ARHGAP24: variants seen among roughly 807,000 people sequenced by gnomAD.
The protein encoded by ARHGAP24 is rho GTPase-activating protein 24.
A neutral mutation model predicts 76.4 loss-of-function variants in ARHGAP24; 50 were observed. The observed-to-expected ratio is 0.65, with a 90% CI of 0.52 to 0.83. The LOEUF (loss-of-function observed/expected upper bound fraction) is 0.83. Among genes scored for constraint, ARHGAP24 ranks in the 40% least tolerant of loss-of-function variants. ARHGAP24 has a pLI of 0.00. For missense variants in ARHGAP24, 930 were observed against 914.2 expected (o/e 1.02, Z -0.22); for synonymous variants, 345 against 323.3 (o/e 1.07, Z -0.72).
At chr4:85,677,054 A>T (rs1049205763) in intron 2 of ARHGAP24, among the ~76,000 whole-genome samples, 1 of 152,210 alleles carries the variant, frequency 6.6e-6, no homozygotes, top group Non-Finnish European at 1.5e-5. Flanking sequence ...ACTGGGGGAA[A>T]ACGATTTCGT....
intron 3 of ARHGAP24, among the ~76,000 whole-genome samples, chr4:85,758,404 G>A (rs960743257): frequency 1.3e-5 from 2 of 152,174 alleles, no homozygotes; most frequent in African/African-American, 4.8e-5. Context: ...TCTCTAGTAA[G>A]CAGGGGTGAC....
intron 2 of ARHGAP24, among the ~76,000 whole-genome samples, chr4:85,626,440 G>T (rs1355581643): frequency 6.6e-6 from 1 of 152,162 alleles, no homozygotes; most frequent in African/African-American, 2.4e-5. Flanking sequence ...CGAGAGATCT[G>T]CTGTTAGTCT....
intron 1 of ARHGAP24, among the ~76,000 whole-genome samples, chr4:85,564,298 A>G (rs1007359304): frequency 1.3e-5 from 2 of 152,088 alleles, no homozygotes; most frequent in Non-Finnish European, 2.9e-5. Context: ...AAGGACAAAA[A>G]AAACAAGCAC....
At chr4:85,716,246 A>G (rs1395904768) in intron 2 of ARHGAP24, among the ~76,000 whole-genome samples, 1 of 152,110 alleles carries the variant, frequency 6.6e-6, no homozygotes, top group Non-Finnish European at 1.5e-5. Context: ...GTGATCTGGT[A>G]TTAACTAGAT....
intron 3 of ARHGAP24, among the ~76,000 whole-genome samples, chr4:85,899,471 C>T (rs559608889): frequency 2.0e-5 from 3 of 152,146 alleles, no homozygotes; most frequent in South Asian, 2.1e-4. Flanking sequence ...ATTTTTATTA[C>T]GTAGAAACAG....
At chr4:85,490,439 A>G (rs1723307258) in intron 1 of ARHGAP24, among the ~76,000 whole-genome samples, 1 of 152,122 alleles carries the variant, frequency 6.6e-6, no homozygotes, top group South Asian at 2.1e-4. Flanking sequence ...AAGATATTAG[A>G]TGCTTTTTCT....
intron 9 of ARHGAP24, among the ~76,000 whole-genome samples, chr4:85,998,921 C>T (rs1740841298): frequency 6.6e-6 from 1 of 152,202 alleles, no homozygotes; most frequent in Non-Finnish European, 1.5e-5. Context: ...TAATATCCTT[C>T]GTGTGCTTCT....
intron 2 of ARHGAP24, among the ~76,000 whole-genome samples, chr4:85,618,162 C>T (rs1021648996): frequency 1.9e-4 from 29 of 152,192 alleles, no homozygotes; most frequent in African/African-American, 6.0e-4. Flanking sequence ...TCTCACCCAG[C>T]CCCTGGCAGT....
At chr4:85,943,290 G>A (rs2148825908) in intron 5 of ARHGAP24, among the ~76,000 whole-genome samples, 1 of 152,174 alleles carries the variant, frequency 6.6e-6, no homozygotes, top group South Asian at 2.1e-4. Flanking sequence ...ATCATAAATG[G>A]AGTGATTTAT....
Position 85,978,240 on chromosome 4 carries a change from T to C in ARHGAP24, c.928+549T>C, listed in dbSNP as rs181482989. Among the ~76,000 whole-genome samples, 23 of 152,330 alleles carry C rather than the reference T, an allele frequency of 1.5e-4. No homozygotes were observed. The East Asian group carries it at 4.2e-3, about 28-fold the overall frequency. On this transcript the variant is annotated intron_variant, in intron 8 of 9. Transcript: ENST00000395184. ...AGGCCTAGGTGCTCTATGTCATTAA[T>C]AGCAACATTGTTTGCTACAAACTGG...
rs72654053 is a variant in ARHGAP24 at position 85,492,290 on chromosome 4, T to C, written c.-21+16731T>C. ...AGTTACACATTTCCAGGATGTGCTA[T>C]CCTGGTCGATATCTTCGTTTCTTTT... On this transcript the variant is annotated intron_variant, in intron 1 of 9. Coordinates refer to ENST00000395184, the MANE Select transcript of ARHGAP24 (RefSeq NM_001025616.3). 7.2e-3 allele frequency among the ~76,000 whole-genome samples: 1,098 copies of C among 152,280 alleles called. 10 individuals are homozygous for C. The highest frequency in any genetic ancestry group is 0.01 in the Non-Finnish European group (684 of 68,022).
At chr4:85,919,837 CTGATTTCAAAA>C (rs1172560621) in intron 3 of ARHGAP24, among the ~76,000 whole-genome samples, 1 of 152,144 alleles carries the variant, frequency 6.6e-6, no homozygotes, top group Non-Finnish European at 1.5e-5. Context: ...TTACAATATT[CTGATTTCAAAA>C]TGATAATATT....
Position 85,782,014 on chromosome 4 carries a change from G to C in ARHGAP24, c.268+60042G>C, listed in dbSNP as rs571269567. ...ATCACACCACTGCACTCCAATATGG[G>C]CAACAGAGTGAGATTCTATCTCAAA... On this transcript the variant is annotated intron_variant, in intron 3 of 9. Coordinates refer to ENST00000395184, the MANE Select transcript of ARHGAP24 (RefSeq NM_001025616.3). Among the ~76,000 whole-genome samples, 8 of 137,780 alleles carry C rather than the reference G, an allele frequency of 5.8e-5. No homozygotes were observed. In the South Asian group the frequency reaches 1.9e-3, roughly 33 times the overall value. The allele number at this position is 137,780 out of a possible 152,430, so 90.4% of individuals were successfully genotyped here.
chr4:85,617,431 A>G (rs986915315), intron 2 of ARHGAP24, among the ~76,000 whole-genome samples: 1 of 151,950 alleles, frequency 6.6e-6, no homozygotes. Flanking sequence ...TGCACACGCA[A>G]TCATGCACAT....
rs1405050581 is a variant in ARHGAP24, at chr4:85,942,227, G to A, written c.553G>A (p.Glu185Lys). 1 of 1,613,982 alleles carries A rather than the reference G, an allele frequency of 6.2e-7. No homozygotes were observed. Among genetic ancestry groups the A allele is most frequent in the Non-Finnish European group, 8.5e-7 (1 of 1,180,014 alleles). Residue 185 changes from glutamate (E) to lysine (K), a missense_variant, in exon 5 of 10, where the codon GAG becomes AAG. Transcript: ENST00000395184. The part of the protein sequence containing the change: ...RLPGQANLVK[E>K]LQDAFDCGEK... Reference sequence around the variant, plus strand: ...GCCAGGCCAGGCTAATCTTGTTAAGGAGCTCCAAGATGCCTTTGACTGTGG... The same window carrying A: ...GCCAGGCCAGGCTAATCTTGTTAAGAAGCTCCAAGATGCCTTTGACTGTGG...
chr4:85,740,044 C>T (rs1043326924), intron 3 of ARHGAP24, among the ~76,000 whole-genome samples: 1 of 152,156 alleles, frequency 6.6e-6, no homozygotes, highest in Non-Finnish European at 1.5e-5. Context: ...GATCGATGGC[C>T]TTTCACACAT....
At chr4:85,491,809 C>T (rs1043435339) in intron 1 of ARHGAP24, among the ~76,000 whole-genome samples, 1 of 152,282 alleles carries the variant, frequency 6.6e-6, no homozygotes, top group Admixed American at 6.5e-5. Flanking sequence ...AGTTGAACTC[C>T]CTTAGAAGTT....
At chr4:85,683,079 C>T (rs888608601) in intron 2 of ARHGAP24, among the ~76,000 whole-genome samples, 1 of 127,158 alleles carries the variant, frequency 7.9e-6, no homozygotes, top group Non-Finnish European at 1.5e-5. Context: ...TTACTCCTCA[C>T]CTCCATCAAC....
At chr4:85,585,086 G>C (rs1276638577) in intron 2 of ARHGAP24, among the ~76,000 whole-genome samples, 1 of 152,054 alleles carries the variant, frequency 6.6e-6, no homozygotes, top group Non-Finnish European at 1.5e-5. Context: ...GCCTCTTTTA[G>C]CTCTATGGGC....
Sources: gnomAD v4.1 joint callset for allele counts (sites outside exome capture counted in the v4.1 genomes callset) on GRCh38, gnomAD v4.1.1 for gene constraint, MANE v1.5 for transcripts, NCBI Gene and HGNC (gene_info 2026-07-23, HGNC 2026-07-21) for gene names.